The following ATP8A1 variants were observed in gnomAD, a reference collection of about 807,000 sequenced individuals.
The protein encoded by ATP8A1 is ATPase phospholipid transporting 8A1, also known as phospholipid-transporting ATPase IA.
Under a neutral mutation model 177.7 loss-of-function variants are expected in ATP8A1, and 90 were observed. That is an observed-to-expected ratio of 0.51 (90% CI 0.43 to 0.60). The LOEUF (loss-of-function observed/expected upper bound fraction) is 0.60, where lower values mean the gene tolerates loss of function less well. Among genes scored for constraint, ATP8A1 ranks in the 20% least tolerant of loss-of-function variants. The pLI, the probability that ATP8A1 is intolerant of heterozygous loss-of-function variation, is 0.00. For synonymous variants in ATP8A1, 493 were observed against 485.9 expected, an observed-to-expected ratio of 1.01 and a Z score of -0.19; for missense variants, 1,072 against 1,392.8, an observed-to-expected ratio of 0.77 and a Z score of 3.67.
At chr4:42,567,121 C>T (rs1352171027) in intron 15 of ATP8A1, among the ~76,000 whole-genome samples, 1 of 152,256 alleles carries the variant, frequency 6.6e-6, no homozygotes, top group Admixed American at 6.5e-5. Context: ...CCAAAGCCCA[C>T]ATCTTTGATC....
At position 42,503,432 on chromosome 4, in the gene ATP8A1, A is replaced by G; in HGVS notation, c.2151+18T>C. 6.8e-7 allele frequency: 1 copy of G among 1,463,452 alleles called. No homozygotes were observed. Among genetic ancestry groups the G allele is most frequent in the East Asian group, 2.3e-5 (1 of 43,884 alleles). The allele number at this position is 1,463,452 out of a possible 1,614,324, so 90.7% of individuals were successfully genotyped here. On this transcript the variant is annotated intron_variant, in intron 24 of 36. Coordinates refer to ENST00000381668, the MANE Select transcript of ATP8A1 (RefSeq NM_006095.2). The stretch of plus-strand genomic sequence containing the variant: ...ATATATTATTAAAGGAGTTTTAAAA[A>G]TACATAATTTTACTTACATCAAGAG...
chr4:42,417,865 GC>G (rs1319816227), intron 35 of ATP8A1, among the ~76,000 whole-genome samples: 1 of 152,138 alleles, frequency 6.6e-6, no homozygotes, highest in African/African-American at 2.4e-5. Context: ...AATATAACAG[GC>G]CTATCTCTGC....
chr4:42,462,885 G>A (rs551606973), intron 27 of ATP8A1, among the ~76,000 whole-genome samples: 1 of 152,318 alleles, frequency 6.6e-6, no homozygotes, highest in South Asian at 2.1e-4. Flanking sequence ...GGAGTCAAAG[G>A]AGATCATTTT....
Position 42,459,568 on chromosome 4 carries a change from A to G in ATP8A1, c.2620-3969T>C, listed in dbSNP as rs1283679698. The G allele has an allele frequency of 5.3e-5, 17 of 321,418 alleles. No homozygotes were observed. The East Asian group carries it at 7.6e-4, about 14-fold the overall frequency. 19.9% of individuals were successfully genotyped at this position (321,418 alleles called of 1,614,324 possible). ...AAGAACATATAAATAGAAAAGCTAG[A>G]TATATAGAAGGGATTGAGAATAGAA... On this transcript the variant is annotated intron_variant, in intron 27 of 36. Transcript: ENST00000381668.
intron 9 of ATP8A1, among the ~76,000 whole-genome samples, chr4:42,585,497 G>A (rs866039818): frequency 6.8e-6 from 1 of 146,850 alleles, no homozygotes; most frequent in Non-Finnish European, 1.5e-5. Flanking sequence ...AGGTCCGAGA[G>A]CCTCCGCCAT....
chr4:42,574,566 G>A, intron 14 of ATP8A1, 53 bp downstream of exon 14: 1 of 1,428,552 alleles, frequency 7.0e-7, no homozygotes, highest in Non-Finnish European at 9.8e-7. Flanking sequence ...GTACCAAACT[G>A]TTAGCACTAA....
intron 21 of ATP8A1, among the ~76,000 whole-genome samples, chr4:42,523,775 G>C (rs1441914780): frequency 6.6e-6 from 1 of 152,144 alleles, no homozygotes; most frequent in East Asian, 1.9e-4. Flanking sequence ...CAAGGACTGA[G>C]GCTGGGCTTT....
chr4:42,632,253 T>C (rs771866246), intron 1 of ATP8A1, among the ~76,000 whole-genome samples: 45 of 152,182 alleles, frequency 3.0e-4, no homozygotes, highest in Non-Finnish European at 4.6e-4. Context: ...ATCAAACCAG[T>C]TCCCAGAAAA....
intron 18 of ATP8A1, among the ~76,000 whole-genome samples, chr4:42,549,437 T>C (rs1729268310): frequency 1.5e-5 from 1 of 66,088 alleles, no homozygotes; most frequent in Admixed American, 1.9e-4. Context: ...ATATAGATAA[T>C]AGGGGGGAAA....
chr4:42,642,439 G>A (rs1740093707), intron 1 of ATP8A1, among the ~76,000 whole-genome samples: 1 of 152,176 alleles, frequency 6.6e-6, no homozygotes, highest in African/African-American at 2.4e-5. Context: ...AACAAAGTAA[G>A]GAATGGTCGG....
chr4:42,435,461 A>AAAAAAAAACAAC (rs1553871738), intron 33 of ATP8A1, among the ~76,000 whole-genome samples: 17 of 122,382 alleles, frequency 1.4e-4, no homozygotes, highest in East Asian at 7.6e-4. Context: ...AAAAAAAAAA[A>AAAAAAAAACAAC]AACAAACTAT....
intron 1 of ATP8A1, among the ~76,000 whole-genome samples, chr4:42,627,581 T>C (rs1486077223): frequency 6.6e-6 from 1 of 152,220 alleles, no homozygotes; most frequent in Admixed American, 6.5e-5. Context: ...ACTGCAACAA[T>C]GATCCAACTC....
At chr4:42,608,042 C>G (rs1735978720) in intron 5 of ATP8A1, among the ~76,000 whole-genome samples, 1 of 152,200 alleles carries the variant, frequency 6.6e-6, no homozygotes, top group African/African-American at 2.4e-5. Flanking sequence ...CATGGGAGAG[C>G]TCAGACTAAA....
At chr4:42,640,803 A>G (rs1278545693) in intron 1 of ATP8A1, among the ~76,000 whole-genome samples, 1 of 152,038 alleles carries the variant, frequency 6.6e-6, no homozygotes, top group Non-Finnish European at 1.5e-5. Flanking sequence ...CCTGAGCCCT[A>G]GGTGTCAGGG....
intron 19 of ATP8A1, among the ~76,000 whole-genome samples, chr4:42,546,239 C>T (rs1275613511): frequency 6.6e-6 from 1 of 151,974 alleles, no homozygotes; most frequent in Admixed American, 6.6e-5. Flanking sequence ...ACTCTGTTCT[C>T]GCCCCGCAGC....
chr4:42,631,716 C>A (rs896574667), intron 1 of ATP8A1, among the ~76,000 whole-genome samples: 1 of 152,172 alleles, frequency 6.6e-6, no homozygotes, highest in East Asian at 1.9e-4. Context: ...CATCTCCATA[C>A]CCATTTCCAC....
intron 18 of ATP8A1, among the ~76,000 whole-genome samples, chr4:42,550,832 C>A (rs1729433105): frequency 2.6e-5 from 4 of 152,102 alleles, no homozygotes; most frequent in Admixed American, 1.3e-4. Flanking sequence ...AATGTTGGCT[C>A]AAGTCTTTTG....
In ATP8A1 at chr4:42,549,036, C is replaced by A; in HGVS notation, c.1629G>T (p.Leu543Phe). The stretch of plus-strand genomic sequence containing the variant: ...ACCTGGTAAACTCCAAGACATTGAG[C>A]AATTCATATCTTTCTTCCTGCCCCA... ...DSLGQEERYE[L>F]LNVLEFTSAR... is the part of the protein sequence containing the mutation. Residue 543 changes from leucine (L) to phenylalanine (F), a missense_variant, in exon 19 of 37, where the codon TTG (leucine) becomes TTT (phenylalanine). Physicochemically the swap from Leu to Phe is conservative, Grantham distance 22. This residue lies in a region of ATP8A1 where 388 missense variants were observed against 471.7 expected (regional missense o/e 0.82). Coordinates refer to ENST00000381668, the MANE Select transcript of ATP8A1 (RefSeq NM_006095.2). 1 of 1,612,146 alleles carries A rather than the reference C, an allele frequency of 6.2e-7. No homozygotes were observed. The highest frequency in any genetic ancestry group is 2.2e-5 in the East Asian group (1 of 44,772).
intron 5 of ATP8A1, among the ~76,000 whole-genome samples, chr4:42,615,178 AAATTT>A (rs1468414403): frequency 1.3e-5 from 2 of 152,228 alleles, no homozygotes; most frequent in African/African-American, 4.8e-5. Context: ...AATATTTTGC[AAATTT>A]ATTAATTAGT....
Sources: gnomAD v4.1 joint callset for allele counts (sites outside exome capture counted in the v4.1 genomes callset) on GRCh38, gnomAD v4.1.1 for gene constraint, gnomAD v4.1.1 regional missense constraint, MANE v1.5 for transcripts, NCBI Gene and HGNC (gene_info 2026-07-23, HGNC 2026-07-21) for gene names.